LARP1: variants seen among roughly 807,000 people sequenced by gnomAD.
LARP1 encodes the protein La ribonucleoprotein 1, translational regulator.
Under a neutral mutation model 122.7 loss-of-function variants are expected in LARP1, and 36 were observed. The observed-to-expected ratio is 0.29, with a 90% CI of 0.22 to 0.39. The LOEUF (loss-of-function observed/expected upper bound fraction) is 0.39. LARP1 is among the 10% of genes least tolerant of loss of function. The pLI is 1.00. For missense variants in LARP1, 1,040 were observed against 1,403.6 expected (o/e 0.74, Z 4.14); for synonymous variants, 539 against 528.7 (o/e 1.02, Z -0.27).
chr5:154,752,523 T>C (rs1321951199), upstream of LARP1, among the ~76,000 whole-genome samples: 2 of 152,078 alleles, frequency 1.3e-5, no homozygotes, highest in African/African-American at 4.8e-5. Flanking sequence ...GATTACAGGT[T>C]TGAGCCACTG....
At chr5:154,758,355 TG>T (rs2113570108) in intron 1 of LARP1, among the ~76,000 whole-genome samples, 1 of 152,354 alleles carries the variant, frequency 6.6e-6, no homozygotes, top group African/African-American at 2.4e-5. Flanking sequence ...GCTCTGTTAT[TG>T]TTTTTTGGAA....
At chr5:154,768,071 A>G (rs747418097) in intron 1 of LARP1, among the ~76,000 whole-genome samples, 10 of 152,194 alleles carry the variant, frequency 6.6e-5, no homozygotes, top group Admixed American at 2.0e-4. Context: ...GATCTTTTCC[A>G]CTTGGCCTAA....
At chr5:154,791,502 C>T (rs947048472) in intron 3 of LARP1, among the ~76,000 whole-genome samples, 1 of 152,204 alleles carries the variant, frequency 6.6e-6, no homozygotes, top group Non-Finnish European at 1.5e-5. Context: ...AGCCACTGTC[C>T]CCAGCCCCCT....
chr5:154,790,257 G>C (rs2113766286), intron 1 of LARP1, 68 bp from the exon 2 acceptor site: 1 of 1,355,370 alleles, frequency 7.4e-7, no homozygotes, highest in Non-Finnish European at 1.0e-6. Flanking sequence ...GGTGATGAGG[G>C]TGAGGAGCTG....
At chr5:154,707,028 A>G (rs1754984515) in intron 1 of LARP1, among the ~76,000 whole-genome samples, 2 of 152,228 alleles carry the variant, frequency 1.3e-5, no homozygotes, top group Admixed American at 1.3e-4. Flanking sequence ...CCAACTTAAA[A>G]AAATGCTTTT....
chr5:154,704,078 A>G (rs981485802), intron 1 of LARP1, among the ~76,000 whole-genome samples: 1 of 152,222 alleles, frequency 6.6e-6, no homozygotes, highest in Non-Finnish European at 1.5e-5. Context: ...AGAGGCACAC[A>G]TTAAGCAAAT....
upstream of LARP1, among the ~76,000 whole-genome samples, chr5:154,754,138 C>T (rs776172427): frequency 5.3e-5 from 8 of 152,194 alleles, no homozygotes; most frequent in South Asian, 2.1e-4. Flanking sequence ...AGTAGCCCAT[C>T]TAGTCTAACT....
At chr5:154,701,588 G>A (rs1442669475) in intron 1 of LARP1, among the ~76,000 whole-genome samples, 1 of 151,986 alleles carries the variant, frequency 6.6e-6, no homozygotes, top group Non-Finnish European at 1.5e-5. Flanking sequence ...CTCAATTCTG[G>A]GGATATGGTC....
intron 9 of LARP1, 38 bp from the exon 10 acceptor site, chr5:154,799,835 G>A: frequency 6.8e-6 from 11 of 1,611,826 alleles, no homozygotes; most frequent in Non-Finnish European, 9.3e-6. Context: ...TCAGGAGGAG[G>A]ACTGGAGGGA....
intron 1 of LARP1, among the ~76,000 whole-genome samples, chr5:154,786,224 A>G (rs1756869393): frequency 6.6e-6 from 1 of 152,112 alleles, no homozygotes; most frequent in Non-Finnish European, 1.5e-5. Context: ...TATTTTTAGT[A>G]TAGACAGAGT....
chr5:154,749,150 A>G (rs1753351966), intron 1 of LARP1, among the ~76,000 whole-genome samples: 1 of 152,312 alleles, frequency 6.6e-6, no homozygotes, highest in South Asian at 2.1e-4. Flanking sequence ...TGAGTCCATC[A>G]TAGAGCCAGA....
At chr5:154,717,532 T>G (rs1755584166) in intron 1 of LARP1, among the ~76,000 whole-genome samples, 1 of 152,194 alleles carries the variant, frequency 6.6e-6, no homozygotes, top group Admixed American at 6.5e-5. Context: ...CAACACATCT[T>G]GGCTACCTAG....
intron 1 of LARP1, among the ~76,000 whole-genome samples, chr5:154,784,656 A>G (rs1756743338): frequency 6.6e-6 from 1 of 152,014 alleles, no homozygotes; most frequent in Non-Finnish European, 1.5e-5. Flanking sequence ...CTCACCTTTC[A>G]TGCACAGGTC....
intron 18 of LARP1, among the ~76,000 whole-genome samples, chr5:154,812,153 G>A (rs1371507219): frequency 2.6e-5 from 4 of 152,188 alleles, no homozygotes; most frequent in Non-Finnish European, 5.9e-5. Context: ...ATGTCTCTGT[G>A]CTCGGTGCTT....
intron 1 of LARP1, among the ~76,000 whole-genome samples, chr5:154,696,756 G>A (rs1388629331): frequency 1.3e-5 from 2 of 152,162 alleles, no homozygotes; most frequent in Non-Finnish European, 2.9e-5. Flanking sequence ...AATGACCAAG[G>A]CAGGTATCAA....
chr5:154,816,571 T>C lies in LARP1; in HGVS notation c.*2475T>C, dbSNP rs1245150000. 2 of 152,568 alleles carry C rather than the reference T, an allele frequency of 1.3e-5. No homozygotes were observed. The highest frequency in any genetic ancestry group is 3.9e-4 in the East Asian group (2 of 5,190). The allele number at this position is 152,568 out of a possible 1,614,324, so 9.5% of individuals were successfully genotyped here. On this transcript the variant is annotated 3_prime_UTR_variant, in exon 19 of 19. Transcript: ENST00000518297. ...GTTTTTGTTTTTGTTTTTGGTAACATGTTAGGAGTTAATGTTGCAAAGAGT... is the reference window on the plus strand; with the variant it reads ...GTTTTTGTTTTTGTTTTTGGTAACACGTTAGGAGTTAATGTTGCAAAGAGT...
intron 1 of LARP1, among the ~76,000 whole-genome samples, chr5:154,789,664 T>C (rs1582416874): frequency 6.6e-6 from 1 of 152,380 alleles, no homozygotes; most frequent in Admixed American, 6.5e-5. Flanking sequence ...TTTGAAGTTA[T>C]AAATAATATT....
chr5:154,795,792 A>G (rs911190503), intron 8 of LARP1, among the ~76,000 whole-genome samples: 3 of 142,026 alleles, frequency 2.1e-5, no homozygotes, highest in Non-Finnish European at 4.5e-5. Context: ...TATTTAGTTC[A>G]GATTCATCCC....
chr5:154,790,411 A>G, intron 2 of LARP1, 25 bp downstream of exon 2: 5 of 1,607,072 alleles, frequency 3.1e-6, no homozygotes, highest in Non-Finnish European at 4.3e-6. Context: ...TGGGCAACCC[A>G]AGGGGACTTT....
Sources: gnomAD v4.1 joint callset for allele counts (sites outside exome capture counted in the v4.1 genomes callset) on GRCh38, gnomAD v4.1.1 for gene constraint, MANE v1.5 for transcripts, NCBI Gene and HGNC (gene_info 2026-07-23, HGNC 2026-07-21) for gene names.